Variants in HACL2 observed in about 807,000 individuals in gnomAD.
HACL2 encodes 2-hydroxyacyl-CoA lyase 1 like.
the HACL2 span, chr19:15,120,092 G>A: frequency 6.6e-7 from 1 of 1,517,330 alleles, no homozygotes; most frequent in East Asian, 2.5e-5. Context: ...CTGCAAAAGG[G>A]AGGGGGAAGA....
the HACL2 span, chr19:15,119,636 C>A: frequency 1.2e-6 from 1 of 840,194 alleles, no homozygotes; most frequent in South Asian, 1.8e-5. Context: ...CTGCAGCCTC[C>A]ACCTCCCAGG....
the HACL2 span, chr19:15,123,068 G>C: frequency 6.2e-7 from 1 of 1,610,118 alleles, no homozygotes; most frequent in Non-Finnish European, 8.5e-7. This position sits in a 1 kb window ranked among gnomAD's most constrained non-coding sequence, Gnocchi z 5.1. Context: ...TATCGCATGA[G>C]CCCTTCAAGC....
chr19:15,118,344 C>T, the HACL2 span, among the ~76,000 whole-genome samples: 1 of 152,174 alleles, frequency 6.6e-6, no homozygotes, highest in East Asian at 1.9e-4. Context: ...TTGAAAGTGA[C>T]ACACCATGAC....
the HACL2 span, chr19:15,123,570 T>G: frequency 6.2e-7 from 1 of 1,613,868 alleles, no homozygotes; most frequent in Admixed American, 1.7e-5. This position sits in a 1 kb window ranked among gnomAD's most constrained non-coding sequence, Gnocchi z 5.1. Flanking sequence ...ACGCTTGCCT[T>G]GTCCACCTGG....
At chr19:15,115,050 A>G in the HACL2 span, 3 of 642,406 alleles carry the variant, frequency 4.7e-6, no homozygotes, top group African/African-American at 5.4e-5. Context: ...GACAAACGGC[A>G]CAGTTGGGTC....
chr19:15,123,403 A>G, the HACL2 span: 1 of 1,614,064 alleles, frequency 6.2e-7, no homozygotes, highest in Non-Finnish European at 8.5e-7. The surrounding 1 kb of genome is among the most constrained non-coding windows in gnomAD (Gnocchi z 5.1). Flanking sequence ...CATCAGCAGC[A>G]AAGACGGCCG....
At chr19:15,119,818 T>TGGGA in the HACL2 span, among the ~76,000 whole-genome samples, 1 of 152,198 alleles carries the variant, frequency 6.6e-6, no homozygotes, top group Admixed American at 6.5e-5. Flanking sequence ...CCCTAAGTGT[T>TGGGA]GGGATTGCTG....
At chr19:15,123,089 C>CCCCA in the HACL2 span, 1 of 1,612,410 alleles carries the variant, frequency 6.2e-7, no homozygotes. This position sits in a 1 kb window ranked among gnomAD's most constrained non-coding sequence, Gnocchi z 5.1. Context: ...CCCCCTAGGC[C>CCCCA]CCCACTGGCC....
At chr19:15,119,264 C>A in the HACL2 span, 1 of 1,610,122 alleles carries the variant, frequency 6.2e-7, no homozygotes. Flanking sequence ...TGCCATCCCT[C>A]CAAGGAAGCA....
At chr19:15,116,829 G>A in the HACL2 span, 3 of 379,832 alleles carry the variant, frequency 7.9e-6, no homozygotes, top group South Asian at 1.1e-4. Context: ...AACACTCAAT[G>A]AAAAGAGCTA....
At chr19:15,119,469 A>G in the HACL2 span, 2 of 1,614,026 alleles carry the variant, frequency 1.2e-6, no homozygotes, top group Non-Finnish European at 1.7e-6. Context: ...CCCCAGCACC[A>G]TCAGAGGCCT....
the HACL2 span, chr19:15,117,252 A>G: frequency 6.5e-6 from 1 of 153,190 alleles, no homozygotes; most frequent in Non-Finnish European, 1.5e-5. Context: ...ATACGGCAGG[A>G]AGACAGGCTA....
chr19:15,123,246 G>A, the HACL2 span: 2 of 1,613,568 alleles, frequency 1.2e-6, no homozygotes, highest in South Asian at 1.1e-5. This position sits in a 1 kb window ranked among gnomAD's most constrained non-coding sequence, Gnocchi z 5.1. Flanking sequence ...CACCGTCCCT[G>A]GAACACAGAG....
the HACL2 span, chr19:15,115,735 A>G: frequency 7.0e-6 from 11 of 1,577,096 alleles, no homozygotes; most frequent in African/African-American, 1.2e-4. Flanking sequence ...GCCAGAGGAC[A>G]GAGACAGGGA....
At chr19:15,116,388 C>T in the HACL2 span, 2 of 1,613,906 alleles carry the variant, frequency 1.2e-6, no homozygotes, top group Non-Finnish European at 1.7e-6. Flanking sequence ...CTTCCCACAT[C>T]CACTCCACCC....
the HACL2 span, chr19:15,115,602 G>A: frequency 1.9e-6 from 3 of 1,613,656 alleles, no homozygotes; most frequent in Admixed American, 3.3e-5. Flanking sequence ...TTGCTGCCCA[G>A]AGAGGGCACC....
the HACL2 span, chr19:15,124,681 T>C: frequency 1.9e-6 from 1 of 531,972 alleles, no homozygotes; most frequent in Non-Finnish European, 3.3e-6. Flanking sequence ...GGGAAGGAGG[T>C]AGGTGGGGTG....
chr19:15,123,354 C>A, the HACL2 span: 1 of 1,610,266 alleles, frequency 6.2e-7, no homozygotes. The surrounding 1 kb of genome is among the most constrained non-coding windows in gnomAD (Gnocchi z 5.1). Flanking sequence ...CAGTCCCCAG[C>A]CCTCTCTGCA....
the HACL2 span, chr19:15,116,770 C>T: frequency 2.0e-6 from 1 of 504,304 alleles, no homozygotes; most frequent in Non-Finnish European, 3.5e-6. Flanking sequence ...AGGCAGGTGA[C>T]AAACCCAAGC....
Sources: allele counts gnomAD v4.1 joint callset (sites outside exome capture counted in the v4.1 genomes callset), GRCh38; gene constraint gnomAD v4.1.1; non-coding constraint Gnocchi (gnomAD v3.1); transcripts MANE v1.5; gene names NCBI Gene and HGNC (gene_info 2026-07-23, HGNC 2026-07-21).